The following VWA5B2 variants were observed in gnomAD, a reference collection of about 807,000 sequenced individuals.
VWA5B2 encodes the protein von Willebrand factor A domain-containing protein 5B2.
Under a neutral mutation model 118.5 loss-of-function variants are expected in VWA5B2, and 93 were observed. That is an observed-to-expected ratio of 0.79 (90% CI 0.66 to 0.93). The LOEUF is 0.93. Ranked by LOEUF, VWA5B2 falls within the 40% of genes least tolerant of loss-of-function variation. The pLI is 0.00. For synonymous variants in VWA5B2, 708 were observed against 716.3 expected (o/e 0.99, Z 0.19); for missense variants, 1,546 against 1,672.8 (o/e 0.92, Z 1.32).
In VWA5B2 at chr3:184,233,653, T is replaced by A; in HGVS notation, c.608T>A (p.Val203Glu). Residue 203 changes from valine to glutamate, a missense_variant, in exon 5 of 20, where the codon GTG (valine) becomes GAG (glutamate). This residue lies in a region of VWA5B2 where 775 missense variants were observed against 882.3 expected (regional missense o/e 0.88). Transcript: ENST00000691901. This position sits in a 1 kb window ranked among gnomAD's most constrained non-coding sequence, Gnocchi z 5.2. ...AWEELAAPRD[V>E]FSGPARCPAP... Reference sequence around the variant, plus strand: ...GAGGAGCTGGCTGCCCCTCGGGACGTGTTCTCAGGCCCTGCCCGCTGCCCT... The same window carrying A: ...GAGGAGCTGGCTGCCCCTCGGGACGAGTTCTCAGGCCCTGCCCGCTGCCCT... The A allele has an allele frequency of 6.4e-7, 1 of 1,551,224 alleles. No homozygotes were observed. The highest frequency in any genetic ancestry group is 8.7e-7 in the Non-Finnish European group (1 of 1,146,942).
intron 16 of VWA5B2, 138 bp from the exon 17 acceptor site, chr3:184,240,653 G>A (rs1310466666): frequency 2.9e-5 from 36 of 1,237,658 alleles, no homozygotes; most frequent in Non-Finnish European, 3.8e-5. Flanking sequence ...GTCTGAGCTG[G>A]TTCTGGGCCT....
At position 184,238,365 on chromosome 3, in the gene VWA5B2, G is replaced by A. The variant is rs368687157; in HGVS notation, c.1782G>A (p.Pro594=). The A allele has an allele frequency of 1.4e-5, 21 of 1,550,372 alleles. No individual in the cohort carries two copies. The highest frequency in any genetic ancestry group is 1.1e-4 in the South Asian group (9 of 84,002). The change falls in exon 13 of 20, where the codon CCG becomes CCA. Residue 594 remains proline, a synonymous_variant. Transcript: ENST00000691901. This position sits in a 1 kb window ranked among gnomAD's most constrained non-coding sequence, Gnocchi z 5.0. ...TGTTTCCATCCCCAGAAGAGGCCCC[G>A]TCTGCTGCCAGCCCTGGCACTGAGC... ...GSVFPSPEEA[P]SAASPGTEPT...
Position 184,235,140 on chromosome 3 carries a change from C to A in VWA5B2, c.946-13C>A. On this transcript the variant is annotated splice_polypyrimidine_tract_variant and intron_variant, in intron 7 of 19. Coordinates refer to ENST00000691901, the MANE Select transcript of VWA5B2 (RefSeq NM_001390846.1). Reference sequence around the variant, plus strand: ...AAGCCTTGCCCAGGCTGACTTGGGACTCCCCCGCTCAGGTGTGGTTCCTGC... The same window carrying A: ...AAGCCTTGCCCAGGCTGACTTGGGAATCCCCCGCTCAGGTGTGGTTCCTGC... 3 of 1,549,226 alleles carry A rather than the reference C, an allele frequency of 1.9e-6. No homozygotes were observed. Among genetic ancestry groups the A allele is most frequent in the Non-Finnish European group, 2.6e-6 (3 of 1,145,118 alleles).
chr3:184,238,485 A>G lies in VWA5B2; in HGVS notation c.1891+11A>G, dbSNP rs1045950127. On this transcript the variant is annotated intron_variant, in intron 13 of 19. Transcript: ENST00000691901. The surrounding 1 kb of genome is among the most constrained non-coding windows in gnomAD (Gnocchi z 5.0). Reference sequence around the variant, plus strand: ...GGGACTCGGAGCAGAGTGAGTGCCCAGGTGTATGTGTGTGGCTGTATTGGA... The same window carrying G: ...GGGACTCGGAGCAGAGTGAGTGCCCGGGTGTATGTGTGTGGCTGTATTGGA... The G allele has an allele frequency of 9.1e-6, 14 of 1,541,546 alleles. No individual in the cohort carries two copies. The East Asian group carries it at 3.2e-4, about 35-fold the overall frequency.
intron 5 of VWA5B2, among the ~76,000 whole-genome samples, chr3:184,234,011 GT>G (rs1489879870): frequency 6.6e-6 from 1 of 152,204 alleles, no homozygotes; most frequent in Non-Finnish European, 1.5e-5. Flanking sequence ...GATGAAGTAG[GT>G]TTTCCTTACA....
Position 184,240,795 on chromosome 3 carries a change from T to A in VWA5B2, c.2745T>A (p.His915Gln). 1 of 1,550,790 alleles carries A rather than the reference T, an allele frequency of 6.4e-7. No homozygotes were observed. The highest frequency in any genetic ancestry group is 8.7e-7 in the Non-Finnish European group (1 of 1,146,964). Residue 915 changes from histidine (H) to glutamine (Q), a missense_variant, in exon 17 of 20, where the codon CAT (histidine) becomes CAA (glutamine). His to Gln is a conservative substitution (Grantham distance 24). This residue lies in a region of VWA5B2 where 763 missense variants were observed against 766.6 expected (regional missense o/e 1.00). Coordinates refer to ENST00000691901, the MANE Select transcript of VWA5B2 (RefSeq NM_001390846.1). Reference sequence around the variant, plus strand: ...GACTGCTCCTTGGTTCCACAGGCCATGCCCGGAGGTGCTGGCTTCGAGCCC... The same window carrying A: ...GACTGCTCCTTGGTTCCACAGGCCAAGCCCGGAGGTGCTGGCTTCGAGCCC... ...GGAETTADRG[H>Q]ARRCWLRALQ...
chr3:184,241,617 C>T lies in VWA5B2; in HGVS notation c.3308C>T (p.Thr1103Ile). Reference sequence around the variant, plus strand: ...GTGCACCGCGCCAGCCTCAGCCCCACCTCGGCCTCATTGCCCTGGGCACTT... The same window carrying T: ...GTGCACCGCGCCAGCCTCAGCCCCATCTCGGCCTCATTGCCCTGGGCACTT... The part of the protein sequence containing the change: ...FAVHRASLSP[T>I]SASLPWALLG... Residue 1103 changes from threonine (T) to isoleucine (I), a missense_variant, in exon 20 of 20, where the codon ACC (threonine) becomes ATC (isoleucine). Around this residue, in one of 3 missense-constraint regions of VWA5B2, gnomAD observed 763 missense variants for 766.6 expected, o/e 1.00. Transcript: ENST00000691901. The surrounding 1 kb of genome is among the most constrained non-coding windows in gnomAD (Gnocchi z 5.1). 1 of 1,542,780 alleles carries T rather than the reference C, an allele frequency of 6.5e-7. No homozygotes were observed. Among genetic ancestry groups the T allele is most frequent in the Non-Finnish European group, 8.7e-7 (1 of 1,146,556 alleles).
In VWA5B2 at chr3:184,231,462, C is replaced by T. The variant is rs566543266; in HGVS notation, c.310+545C>T. ...CTTTCCATCTTCTATTGAGCAAATT[C>T]CTACTTGTCCTTTAAGATCCACTAA... On this transcript the variant is annotated intron_variant, in intron 3 of 19. Coordinates refer to ENST00000691901, the MANE Select transcript of VWA5B2 (RefSeq NM_001390846.1). Among the ~76,000 whole-genome samples the T allele has an allele frequency of 3.5e-4, 53 of 152,300 alleles. No individual in the cohort carries two copies. The South Asian group carries it at 0.011, about 31-fold the overall frequency.
intron 11 of VWA5B2, 123 bp downstream of exon 11, chr3:184,236,872 C>T: frequency 1.2e-6 from 1 of 831,768 alleles, no homozygotes; most frequent in South Asian, 1.9e-5. Context: ...AGGCCTTCTC[C>T]CCACTCCAAT....
At position 184,237,131 on chromosome 3, in the gene VWA5B2, G is replaced by C; in HGVS notation, c.1534-95G>C. 2.9e-6 allele frequency: 4 copies of C among 1,382,186 alleles called. No individual in the cohort carries two copies. In the South Asian group the frequency reaches 5.5e-5, roughly 19 times the overall value. 85.6% of individuals were successfully genotyped at this position (1,382,186 alleles called of 1,614,324 possible). A position where few individuals can be genotyped will look rare whatever the true frequency, so the allele number is the denominator to read the frequency against. Reference sequence around the variant, plus strand: ...TGTGCCCCATCAGCTTAGGGGCTGGGCAGATGGCATCAGGGGAAGGGCAGC... The same window carrying C: ...TGTGCCCCATCAGCTTAGGGGCTGGCCAGATGGCATCAGGGGAAGGGCAGC... On this transcript the variant is annotated intron_variant, in intron 11 of 19. Coordinates refer to ENST00000691901, the MANE Select transcript of VWA5B2 (RefSeq NM_001390846.1). The surrounding 1 kb of genome is among the most constrained non-coding windows in gnomAD (Gnocchi z 5.6).
intron 17 of VWA5B2, 47 bp downstream of exon 17, chr3:184,240,975 T>C (rs1718541683): frequency 6.4e-7 from 1 of 1,551,476 alleles, no homozygotes; most frequent in Non-Finnish European, 8.7e-7. Flanking sequence ...CTCACCTCAC[T>C]GGCCACTCTC....
rs1718573317 is a variant in VWA5B2 at position 184,241,134 on chromosome 3, A to G, written c.2962+27A>G. The G allele has an allele frequency of 1.9e-6, 3 of 1,551,394 alleles. No homozygotes were observed. Among genetic ancestry groups the G allele is most frequent in the Non-Finnish European group, 2.6e-6 (3 of 1,146,914 alleles). On this transcript the variant is annotated intron_variant, in intron 18 of 19. Coordinates refer to ENST00000691901, the MANE Select transcript of VWA5B2 (RefSeq NM_001390846.1). The surrounding 1 kb of genome is among the most constrained non-coding windows in gnomAD (Gnocchi z 5.1). Reference sequence around the variant, plus strand: ...TAACACCCAAAGGTAGGGAAAGGGTAGGGGCACTTGGGCTTAGAGACCGCC... The same window carrying G: ...TAACACCCAAAGGTAGGGAAAGGGTGGGGGCACTTGGGCTTAGAGACCGCC...
In VWA5B2 at chr3:184,235,257, A is replaced by G; in HGVS notation, c.1050A>G (p.Thr350=). ...DLSSKPGHLG[T]ATRELLFLLD... ...GCTCCAAGCCCGGACACCTGGGGAC[A>G]GCTACTCGGGAGCTACTCTTCCTTT... The change falls in exon 8 of 20, where the codon ACA becomes ACG. Residue 350 remains threonine, a synonymous_variant. Coordinates refer to ENST00000691901, the MANE Select transcript of VWA5B2 (RefSeq NM_001390846.1). 1 of 1,551,602 alleles carries G rather than the reference A, an allele frequency of 6.4e-7. No homozygotes were observed. Among genetic ancestry groups the G allele is most frequent in the Non-Finnish European group, 8.7e-7 (1 of 1,146,926 alleles).
Position 184,230,653 on chromosome 3 carries a change from C to A in VWA5B2, c.125C>A (p.Pro42Gln), listed in dbSNP as rs1224125978. 2 of 1,328,334 alleles carry A rather than the reference C, an allele frequency of 1.5e-6. No homozygotes were observed. Among genetic ancestry groups the A allele is most frequent in the South Asian group, 3.9e-5 (2 of 50,852 alleles). 82.3% of individuals were successfully genotyped at this position (1,328,334 alleles called of 1,614,324 possible). Residue 42 changes from proline (P) to glutamine (Q), a missense_variant, in exon 2 of 20, where the codon CCG (proline) becomes CAG (glutamine). By Grantham distance (76) the Pro-to-Gln change is moderately conservative. Transcript: ENST00000691901. ...RARLTYRNPQ[P>Q]QPVDGVFVYP... ...CGGCTCACCTACCGCAACCCGCAGC[C>A]GCAGCCGGTGGACGGTGAGGCCCGG...
chr3:184,231,065 C>A, intron 3 of VWA5B2, 148 bp downstream of exon 3: 4 of 1,180,118 alleles, frequency 3.4e-6, no homozygotes, highest in Non-Finnish European at 4.2e-6. Flanking sequence ...CAGTCGTGGG[C>A]TGGGCACCTG....
At position 184,236,726 on chromosome 3, in the gene VWA5B2, C is replaced by G; in HGVS notation, c.1510C>G (p.Pro504Ala). The stretch of plus-strand genomic sequence containing the variant: ...CAGAGGCCAGGCCTACTTCCTGAGG[C>G]CTGGGCAGAGGCTGCAGCCCATGGT... The part of the protein sequence containing the change: ...LSRGQAYFLR[P>A]GQRLQPMLVQ... The change falls in exon 11 of 20, where the codon CCT becomes GCT. Residue 504 changes from proline to alanine, a missense_variant. Around this residue, in one of 3 missense-constraint regions of VWA5B2, gnomAD observed 775 missense variants for 882.3 expected, o/e 0.88. Transcript: ENST00000691901. The G allele has an allele frequency of 5.8e-6, 9 of 1,544,258 alleles. No homozygotes were observed. Among genetic ancestry groups the G allele is most frequent in the Non-Finnish European group, 7.9e-6 (9 of 1,142,152 alleles).
chr3:184,234,458 C>T, intron 6 of VWA5B2, 61 bp downstream of exon 6: 1 of 1,544,492 alleles, frequency 6.5e-7, no homozygotes, highest in Non-Finnish European at 8.8e-7. Flanking sequence ...ATGGGGGAAG[C>T]ATTTCTTAAG....
chr3:184,240,998 G>C (rs777031483), intron 17 of VWA5B2, 26 bp from the exon 18 acceptor site: 39 of 1,551,372 alleles, frequency 2.5e-5, no homozygotes, highest in Non-Finnish European at 3.4e-5. Context: ...GGACAAACCT[G>C]ACTCCTGTCC....
Position 184,236,240 on chromosome 3 carries a change from C to A in VWA5B2, c.1190C>A (p.Pro397Gln), listed in dbSNP as rs951292846. The change falls in exon 9 of 20, where the codon CCA becomes CAA. Residue 397 changes from proline to glutamine, a missense_variant. Transcript: ENST00000691901. ...VFGTLVQPLF[P>Q]ESRPCSDDAV... ...GGGACGTTGGTGCAGCCACTCTTCCCAGAGAGCCGGCCTTGCAGTGATGTG... is the reference window on the plus strand; with the variant it reads ...GGGACGTTGGTGCAGCCACTCTTCCAAGAGAGCCGGCCTTGCAGTGATGTG... 16 of 1,551,816 alleles carry A rather than the reference C, an allele frequency of 1.0e-5. No homozygotes were observed. Among genetic ancestry groups the A allele is most frequent in the Non-Finnish European group, 1.2e-5 (14 of 1,147,016 alleles).
Sources: gnomAD v4.1 joint callset for allele counts (sites outside exome capture counted in the v4.1 genomes callset) on GRCh38, gnomAD v4.1.1 for gene constraint, gnomAD v4.1.1 regional missense constraint, Gnocchi (gnomAD v3.1) non-coding constraint, MANE v1.5 for transcripts, NCBI Gene and HGNC (gene_info 2026-07-23, HGNC 2026-07-21) for gene names.